The following ATAD2 variants were observed in gnomAD, a reference collection of about 807,000 sequenced individuals.
ATAD2 encodes the protein ATPase family AAA domain-containing protein 2.
Under a neutral mutation model 168.9 loss-of-function variants are expected in ATAD2, and 62 were observed. The ratio of observed to expected loss-of-function variants is 0.37; its 90% CI spans 0.30 to 0.45. The LOEUF (loss-of-function observed/expected upper bound fraction) is 0.45. Among genes scored for constraint, ATAD2 ranks in the 20% least tolerant of loss-of-function variants. The pLI is 1.00. For missense variants in ATAD2, 1,419 were observed against 1,667.8 expected, an observed-to-expected ratio of 0.85 and a Z score of 2.60; for synonymous variants, 613 against 571.6, an observed-to-expected ratio of 1.07 and a Z score of -1.03.
chr8:123,329,080 C>G (rs992088168), intron 24 of ATAD2, among the ~76,000 whole-genome samples: 1 of 152,030 alleles, frequency 6.6e-6, no homozygotes, highest in African/African-American at 2.4e-5. Context: ...GGATTACAAG[C>G]GTGAGCCACC....
intron 1 of ATAD2, among the ~76,000 whole-genome samples, chr8:123,404,791 C>T (rs1374271888): frequency 2.6e-5 from 4 of 152,134 alleles, no homozygotes; most frequent in African/African-American, 9.7e-5. Context: ...CCACCCACCT[C>T]GGCCTCCCAA....
chr8:123,401,090 C>A (rs1226750824), upstream of ATAD2: 23 of 1,544,564 alleles, frequency 1.5e-5, no homozygotes, highest in Admixed American at 3.3e-5. Flanking sequence ...AAGGACCACA[C>A]CACCCTCCTC....
At chr8:123,378,634 G>A (rs1167831180) in intron 2 of ATAD2, among the ~76,000 whole-genome samples, 1 of 139,590 alleles carries the variant, frequency 7.2e-6, no homozygotes, top group African/African-American at 2.7e-5. Flanking sequence ...CCTGGGAGGC[G>A]GAGGTTGCAG....
At chr8:123,369,735 C>A in intron 7 of ATAD2, 86 bp downstream of exon 7, 2 of 1,189,344 alleles carry the variant, frequency 1.7e-6, no homozygotes, top group Non-Finnish European at 1.2e-6. Context: ...TGAAAAATAC[C>A]AAAAAGACAA....
chr8:123,360,400 G>A (rs1361499377), intron 9 of ATAD2, among the ~76,000 whole-genome samples: 2 of 152,136 alleles, frequency 1.3e-5, no homozygotes, highest in Non-Finnish European at 2.9e-5. Flanking sequence ...GGAGTGCAGT[G>A]GTGTGATCTC....
At chr8:123,389,267 T>C (rs892737808) in intron 1 of ATAD2, among the ~76,000 whole-genome samples, 45 of 145,348 alleles carry the variant, frequency 3.1e-4, no homozygotes, top group Non-Finnish European at 2.6e-4. Context: ...TGAGCCACCG[T>C]GCCCGGCCTG....
chr8:123,326,687 A>C (rs115211943), intron 25 of ATAD2, among the ~76,000 whole-genome samples: 2,381 of 152,164 alleles, frequency 0.016, 59 homozygotes, highest in African/African-American at 0.052. Flanking sequence ...CAAAACAAAC[A>C]AACCAACCCA....
chr8:123,335,137 T>C (rs1197362535), intron 22 of ATAD2, among the ~76,000 whole-genome samples: 1 of 152,174 alleles, frequency 6.6e-6, no homozygotes, highest in Non-Finnish European at 1.5e-5. Flanking sequence ...GATTCTGATG[T>C]CCACTAACAT....
intron 1 of ATAD2, among the ~76,000 whole-genome samples, chr8:123,389,610 A>T (rs566934022): frequency 6.6e-6 from 1 of 151,494 alleles, no homozygotes; most frequent in Non-Finnish European, 1.5e-5. Flanking sequence ...ACTGCACTTC[A>T]GCCTGGGCGA....
chr8:123,371,173 T>G lies in ATAD2; in HGVS notation c.639+63A>C. ...AGTAGATATTTAATGAAAAATGGATTAGGTACTATAAAAAAATTAAACTGG... is the reference window on the plus strand; with the variant it reads ...AGTAGATATTTAATGAAAAATGGATGAGGTACTATAAAAAAATTAAACTGG... On this transcript the variant is annotated intron_variant, in intron 5 of 27. Transcript: ENST00000287394. 4 of 1,307,702 alleles carry G rather than the reference T, an allele frequency of 3.1e-6. 1 individual carries two copies. Among genetic ancestry groups the G allele is most frequent in the Middle Eastern group, 4.3e-4 (2 of 4,606 alleles). The allele number at this position is 1,307,702 out of a possible 1,614,324, so 81.0% of individuals were successfully genotyped here.
intron 2 of ATAD2, among the ~76,000 whole-genome samples, chr8:123,379,887 A>T (rs1373734064): frequency 3.5e-3 from 452 of 127,582 alleles, no homozygotes; most frequent in East Asian, 7.5e-3. Flanking sequence ...TATTATTATT[A>T]TTATTTTTTT....
chr8:123,344,776 A>G (rs1272362416), intron 19 of ATAD2, 108 bp downstream of exon 19: 2 of 1,228,110 alleles, frequency 1.6e-6, no homozygotes, highest in Non-Finnish European at 2.3e-6. Context: ...AAGAAAACTT[A>G]TCCTTTTATT....
At chr8:123,347,616 G>C (rs1413084489) in intron 15 of ATAD2, among the ~76,000 whole-genome samples, 1 of 152,122 alleles carries the variant, frequency 6.6e-6, no homozygotes, top group East Asian at 1.9e-4. Flanking sequence ...ACTTTTAAGA[G>C]TGCAATACAC....
chr8:123,394,079 GT>G (rs143982241), intron 1 of ATAD2, among the ~76,000 whole-genome samples: 3,619 of 150,294 alleles, frequency 0.024, 150 homozygotes, highest in African/African-American at 0.085. Context: ...ACAACCTAAG[GT>G]TTTTTTTCCT....
At chr8:123,390,104 C>G (rs983623809) in intron 1 of ATAD2, among the ~76,000 whole-genome samples, 3 of 150,508 alleles carry the variant, frequency 2.0e-5, no homozygotes, top group African/African-American at 7.3e-5. Flanking sequence ...TCAGCCTCCC[C>G]GGCACCTTGG....
At chr8:123,384,921 C>A (rs555340625) in intron 1 of ATAD2, among the ~76,000 whole-genome samples, 88 of 152,318 alleles carry the variant, frequency 5.8e-4, no homozygotes, top group African/African-American at 2.1e-3. Context: ...CGCTCAGAAG[C>A]CCACTAAGGC....
chr8:123,385,432 T>C lies in ATAD2; in HGVS notation c.172-4755A>G, dbSNP rs937930093. On this transcript the variant is annotated intron_variant, in intron 1 of 27. Transcript: ENST00000287394. ...TGGATACAGGTAAAGTCTGACATAA[T>C]AGTTTTATTCTTTTTAATGTCAACA... Among the ~76,000 whole-genome samples, 6 of 152,342 alleles carry C rather than the reference T, an allele frequency of 3.9e-5. No individual in the cohort carries two copies. In the South Asian group the frequency reaches 6.2e-4, roughly 16 times the overall value.
At chr8:123,392,972 CAGG>C (rs1442870377) in intron 1 of ATAD2, among the ~76,000 whole-genome samples, 1 of 152,038 alleles carries the variant, frequency 6.6e-6, no homozygotes, top group Non-Finnish European at 1.5e-5. Context: ...ATCATGAAGT[CAGG>C]AGATCGAGAC....
intron 27 of ATAD2, among the ~76,000 whole-genome samples, chr8:123,321,793 A>G (rs1418854159): frequency 6.6e-6 from 1 of 152,176 alleles, no homozygotes; most frequent in South Asian, 2.1e-4. Flanking sequence ...AAATTAGCCC[A>G]GTGTGGTGGT....
Sources: allele counts gnomAD v4.1 joint callset (sites outside exome capture counted in the v4.1 genomes callset), GRCh38; gene constraint gnomAD v4.1.1; transcripts MANE v1.5; gene names NCBI Gene and HGNC (gene_info 2026-07-23, HGNC 2026-07-21).